The following TRAPPC12 variants were observed in gnomAD, a reference collection of about 807,000 sequenced individuals.
TRAPPC12 encodes the protein TPR repeat protein 15.
In TRAPPC12, 61 loss-of-function variants were observed where a neutral mutation model predicts 69.2. The observed-to-expected ratio is 0.88, with a 90% CI of 0.72 to 1.09. The LOEUF (loss-of-function observed/expected upper bound fraction) is 1.09, where lower values mean the gene tolerates loss of function less well. Among genes scored for constraint, TRAPPC12 ranks in the 50% least tolerant of loss-of-function variants. The probability of loss-of-function intolerance (pLI) is 0.00; values close to 1 mark genes in which losing one functional copy is unlikely to be tolerated. For synonymous variants in TRAPPC12, 469 were observed against 438.9 expected (o/e 1.07, Z -0.86); for missense variants, 1,101 against 1,016.4 (o/e 1.08, Z -1.13).
chr2:3,457,572 C>A, intron 6 of TRAPPC12, 49 bp from the exon 7 acceptor site: 1 of 1,523,086 alleles, frequency 6.6e-7, no homozygotes, highest in South Asian at 1.1e-5. Flanking sequence ...AAGTCTTAGA[C>A]AAAAATTGGT....
intron 6 of TRAPPC12, among the ~76,000 whole-genome samples, chr2:3,448,439 C>A (rs545408312): frequency 1.3e-5 from 2 of 152,298 alleles, no homozygotes; most frequent in African/African-American, 4.8e-5. Flanking sequence ...TTGCTCCTGC[C>A]AAAAATTGCT....
intron 6 of TRAPPC12, among the ~76,000 whole-genome samples, chr2:3,444,758 G>T (rs1429941204): frequency 6.6e-6 from 1 of 152,182 alleles, no homozygotes; most frequent in African/African-American, 2.4e-5. Context: ...TTCCTAGTAA[G>T]GAAGGAAGGG....
chr2:3,418,141 A>G (rs544077651), intron 3 of TRAPPC12, among the ~76,000 whole-genome samples: 40 of 151,816 alleles, frequency 2.6e-4, no homozygotes, highest in South Asian at 1.0e-3. Context: ...TGAGTAGATC[A>G]CTTCAGCCCA....
At chr2:3,446,955 A>G (rs1049744627) in intron 6 of TRAPPC12, among the ~76,000 whole-genome samples, 4 of 152,238 alleles carry the variant, frequency 2.6e-5, no homozygotes, top group Admixed American at 2.6e-4. Flanking sequence ...TTTACTCAAG[A>G]AGTGTGTATT....
intron 9 of TRAPPC12, among the ~76,000 whole-genome samples, chr2:3,475,280 T>G (rs1254817716): frequency 6.6e-6 from 1 of 151,866 alleles, no homozygotes; most frequent in Non-Finnish European, 1.5e-5. Context: ...TGGCTAATTT[T>G]CTTTTCTTTT....
At chr2:3,431,917 A>C (rs1327751659) in intron 5 of TRAPPC12, among the ~76,000 whole-genome samples, 1 of 152,234 alleles carries the variant, frequency 6.6e-6, no homozygotes, top group African/African-American at 2.4e-5. Flanking sequence ...AAATTTTTCC[A>C]GACCCCCACC....
At chr2:3,391,977 T>C (rs953582341) in intron 2 of TRAPPC12, among the ~76,000 whole-genome samples, 1 of 152,128 alleles carries the variant, frequency 6.6e-6, no homozygotes, top group Non-Finnish European at 1.5e-5. Context: ...AATCTGAAGG[T>C]TGCCACAGGA....
intron 5 of TRAPPC12, among the ~76,000 whole-genome samples, chr2:3,440,330 T>C (rs970351191): frequency 1.3e-5 from 2 of 152,264 alleles, no homozygotes; most frequent in African/African-American, 2.4e-5. Context: ...GAATGTGGAA[T>C]ATCTCTTGAT....
chr2:3,431,371 T>C (rs777289125), intron 5 of TRAPPC12, among the ~76,000 whole-genome samples: 4 of 152,214 alleles, frequency 2.6e-5, no homozygotes, highest in Admixed American at 6.5e-5. Context: ...CCAGGAAACA[T>C]CATCCAGCCC....
intron 2 of TRAPPC12, among the ~76,000 whole-genome samples, chr2:3,398,049 C>T (rs2103459131): frequency 6.6e-6 from 1 of 152,332 alleles, no homozygotes; most frequent in Admixed American, 6.5e-5. Flanking sequence ...CAAGACAGTC[C>T]AGTCCCAGTT....
intron 6 of TRAPPC12, chr2:3,456,129 T>G (rs1665137353): frequency 6.6e-6 from 1 of 152,228 alleles, no homozygotes. Flanking sequence ...AGGTTACAAT[T>G]TTGAACCCCA....
At chr2:3,389,382 G>A (rs914401220) in intron 2 of TRAPPC12, among the ~76,000 whole-genome samples, 40 of 152,348 alleles carry the variant, frequency 2.6e-4, no homozygotes, top group African/African-American at 9.1e-4. Context: ...GTAGGGGTCC[G>A]GGGGCTGCTC....
At chr2:3,394,917 C>T (rs7425017) in intron 2 of TRAPPC12, among the ~76,000 whole-genome samples, 1 of 152,184 alleles carries the variant, frequency 6.6e-6, no homozygotes, top group Non-Finnish European at 1.5e-5. Context: ...GTTGTATATT[C>T]TGTCTCTCAC....
Position 3,421,904 on chromosome 2 carries a change from A to C in TRAPPC12, c.1188A>C (p.Ala396=), listed in dbSNP as rs752732574. ...AGAGCTGCAGAAACTGGAGGGCAGC[A>C]GTGGACCTGTGCGGACGTCTCCTCA... ...QLISCRNWRA[A]VDLCGRLLTA... Residue 396 remains alanine, a synonymous_variant, in exon 4 of 12, where the codon GCA becomes GCC. Coordinates refer to ENST00000324266, the MANE Select transcript of TRAPPC12 (RefSeq NM_016030.6). The C allele has an allele frequency of 1.9e-6, 3 of 1,613,954 alleles. No individual in the cohort carries two copies. The highest frequency in any genetic ancestry group is 2.5e-6 in the Non-Finnish European group (3 of 1,179,966).
chr2:3,387,682 A>T lies in TRAPPC12; in HGVS notation c.59A>T (p.Gln20Leu). The part of the protein sequence containing the change: ...TPAPEAPHPP[Q>L]LAPPEEQGLL... ...GCCCCGGAGGCCCCGCACCCCCCTC[A>T]GCTCGCGCCTCCGGAGGAGCAGGGG... Residue 20 changes from glutamine to leucine, a missense_variant, in exon 2 of 12, where the codon CAG (glutamine) becomes CTG (leucine). Gln to Leu is a moderately radical substitution (Grantham distance 113). Transcript: ENST00000324266. 6.4e-7 allele frequency: 1 copy of T among 1,560,586 alleles called. No individual in the cohort carries two copies. The highest frequency in any genetic ancestry group is 8.7e-7 in the Non-Finnish European group (1 of 1,152,632).
intron 6 of TRAPPC12, among the ~76,000 whole-genome samples, chr2:3,444,107 A>T (rs1664381074): frequency 6.6e-6 from 1 of 152,214 alleles, no homozygotes; most frequent in African/African-American, 2.4e-5. Context: ...GCAGAGCTTG[A>T]GTCCTGTAAT....
chr2:3,424,878 AT>A (rs1200999164), intron 5 of TRAPPC12, among the ~76,000 whole-genome samples: 1 of 152,242 alleles, frequency 6.6e-6, no homozygotes, highest in African/African-American at 2.4e-5. Context: ...CTGTTTGTAC[AT>A]TTAGCAGCTA....
At chr2:3,461,998 G>A (rs116028543) in intron 8 of TRAPPC12, among the ~76,000 whole-genome samples, 1 of 152,362 alleles carries the variant, frequency 6.6e-6, no homozygotes, top group South Asian at 2.1e-4. Context: ...CACCTGCTGA[G>A]GGCATTGTCA....
chr2:3,401,561 TAAA>T (rs1339442909), intron 2 of TRAPPC12, among the ~76,000 whole-genome samples: 3 of 152,184 alleles, frequency 2.0e-5, no homozygotes, highest in African/African-American at 4.8e-5. Flanking sequence ...ATTTTTAAAA[TAAA>T]AAGAATAAAG....
Sources: gnomAD v4.1 joint callset for allele counts (sites outside exome capture counted in the v4.1 genomes callset) on GRCh38, gnomAD v4.1.1 for gene constraint, MANE v1.5 for transcripts, NCBI Gene and HGNC (gene_info 2026-07-23, HGNC 2026-07-21) for gene names.